ISM1: variants seen among roughly 807,000 people sequenced by gnomAD.
The protein encoded by ISM1 is isthmin 1, also known as isthmin-1.
ISM1 carries 25 observed loss-of-function variants against 46.3 expected under a neutral mutation model. That is an observed-to-expected ratio of 0.54 (90% confidence interval 0.39 to 0.75). The LOEUF (loss-of-function observed/expected upper bound fraction) is 0.75. Ranked by LOEUF, ISM1 falls within the 30% of genes least tolerant of loss-of-function variation. The probability of loss-of-function intolerance (pLI) is 0.00; values close to 1 mark genes in which losing one functional copy is unlikely to be tolerated. For synonymous variants in ISM1, 255 were observed against 256.7 expected, an observed-to-expected ratio of 0.99 and a Z score of 0.06; for missense variants, 536 against 625.4, an observed-to-expected ratio of 0.86 and a Z score of 1.52.
intron 1 of ISM1, chr20:13,244,304 C>G (rs1046581216): frequency 7.1e-6 from 1 of 141,628 alleles, no homozygotes; most frequent in African/African-American, 2.7e-5. Flanking sequence ...AGGGGACTCT[C>G]TCGACACTAA....
intron 3 of ISM1, among the ~76,000 whole-genome samples, chr20:13,286,587 G>A (rs1343859676): frequency 1.3e-5 from 2 of 152,150 alleles, no homozygotes; most frequent in African/African-American, 2.4e-5. Flanking sequence ...GGGGCCTCGG[G>A]GGGCAGATAA....
chr20:13,222,800 G>A (rs1441195116), intron 1 of ISM1, among the ~76,000 whole-genome samples: 3 of 152,202 alleles, frequency 2.0e-5, no homozygotes, highest in Non-Finnish European at 4.4e-5. Context: ...TGGGACAACT[G>A]TAAACTTGGA....
chr20:13,258,491 G>A (rs915468404), intron 1 of ISM1, among the ~76,000 whole-genome samples: 2 of 152,090 alleles, frequency 1.3e-5, no homozygotes, highest in African/African-American at 4.8e-5. Context: ...CTTGGAGGGT[G>A]CCATTCATTC....
At chr20:13,267,859 G>C (rs561626252) in intron 1 of ISM1, among the ~76,000 whole-genome samples, 3 of 152,270 alleles carry the variant, frequency 2.0e-5, no homozygotes, top group Admixed American at 6.5e-5. Context: ...TATGAAGTTA[G>C]GGCTTGATTT....
At chr20:13,233,097 AAT>A (rs2123141371) in intron 1 of ISM1, among the ~76,000 whole-genome samples, 1 of 152,078 alleles carries the variant, frequency 6.6e-6, no homozygotes, top group Non-Finnish European at 1.5e-5. Context: ...CCTGCTGTCC[AAT>A]ATTCCTTGAT....
At chr20:13,310,294 T>G in the ISM1 span, among the ~76,000 whole-genome samples, 3 of 152,186 alleles carry the variant, frequency 2.0e-5, no homozygotes, top group Non-Finnish European at 2.9e-5. Context: ...CAACTGATCT[T>G]TGACACATTT....
chr20:13,229,561 C>CA (rs2039565747), intron 1 of ISM1, among the ~76,000 whole-genome samples: 1 of 152,134 alleles, frequency 6.6e-6, no homozygotes, highest in African/African-American at 2.4e-5. Context: ...ATTTGTATAT[C>CA]CCCATCAATG....
intron 1 of ISM1, among the ~76,000 whole-genome samples, chr20:13,268,297 CCTTCT>C (rs1267389765): frequency 4.7e-5 from 7 of 148,314 alleles, no homozygotes; most frequent in African/African-American, 1.5e-4. Context: ...TTCTTCTCTT[CCTTCT>C]CTTCTCTTTT....
intron 1 of ISM1, among the ~76,000 whole-genome samples, chr20:13,252,601 A>G (rs2039879754): frequency 6.6e-6 from 1 of 152,016 alleles, no homozygotes; most frequent in Admixed American, 6.6e-5. Flanking sequence ...AAATACAAAA[A>G]TACATTAGCT....
At chr20:13,252,418 G>A (rs1434821318) in intron 1 of ISM1, among the ~76,000 whole-genome samples, 2 of 152,140 alleles carry the variant, frequency 1.3e-5, no homozygotes, top group African/African-American at 4.8e-5. Flanking sequence ...TTCATCGTGG[G>A]GAGGCTTTTG....
intron 2 of ISM1, 115 bp from the exon 3 acceptor site, chr20:13,279,519 T>G (rs1600544986): frequency 9.5e-7 from 1 of 1,056,700 alleles, no homozygotes; most frequent in East Asian, 2.6e-5. Flanking sequence ...TCAGCTTTCC[T>G]TCACAACGGA....
At position 13,285,117 on chromosome 20, in the gene ISM1, T is replaced by C. The variant is rs183277214; in HGVS notation, c.644-3423T>C. ...GCCTGGGCAACATAGTGAAACCTCA[T>C]CTCTATAAAATTTTTTTGAAAACTT... On this transcript the variant is annotated intron_variant, in intron 3 of 5. Coordinates refer to ENST00000262487, the MANE Select transcript of ISM1 (RefSeq NM_080826.2). 3.9e-5 allele frequency among the ~76,000 whole-genome samples: 6 copies of C among 152,132 alleles called. No homozygotes were observed. In the East Asian group the frequency reaches 1.2e-3, roughly 30 times the overall value.
intron 1 of ISM1, among the ~76,000 whole-genome samples, chr20:13,250,516 G>C (rs6109779): frequency 2.0e-3 from 305 of 152,122 alleles, no homozygotes; most frequent in African/African-American, 7.1e-3. Flanking sequence ...AAGCATGCCA[G>C]GCAGCTTCCA....
intron 5 of ISM1, among the ~76,000 whole-genome samples, chr20:13,298,046 C>G (rs1015687997): frequency 6.6e-6 from 1 of 151,786 alleles, no homozygotes; most frequent in African/African-American, 2.4e-5. Context: ...TCCTTTGGGG[C>G]CTTTTCCATC....
chr20:13,277,413 C>A (rs1568683110), intron 2 of ISM1, among the ~76,000 whole-genome samples: 1 of 97,982 alleles, frequency 1.0e-5, no homozygotes, highest in Non-Finnish European at 2.2e-5. Context: ...CAGCTCAGTT[C>A]CCTCAGATGG....
intron 1 of ISM1, among the ~76,000 whole-genome samples, 187 bp downstream of exon 1, chr20:13,222,101 A>G (rs1259010262): frequency 6.6e-6 from 1 of 152,042 alleles, no homozygotes; most frequent in Non-Finnish European, 1.5e-5. Flanking sequence ...ACGTGCCTGG[A>G]GGCTGCACCC....
chr20:13,221,476 G>T lies in ISM1; in HGVS notation c.-301G>T, dbSNP rs1468446382. On this transcript the variant is annotated 5_prime_UTR_variant, in exon 1 of 6. Coordinates refer to ENST00000262487, the MANE Select transcript of ISM1 (RefSeq NM_080826.2). ...GGACCCAGTCTCCGTCTCCGCCGCC[G>T]CCGCCGCCAGGCAGCGCCGGGGCTT... Among the ~76,000 whole-genome samples the T allele has an allele frequency of 7.0e-6, 1 of 143,620 alleles. No individual in the cohort carries two copies. Among genetic ancestry groups the T allele is most frequent in the Non-Finnish European group, 1.5e-5 (1 of 65,028 alleles). The allele number at this position is 143,620 out of a possible 152,430, so 94.2% of individuals were successfully genotyped here.
intron 1 of ISM1, chr20:13,237,863 A>C (rs1372597097): frequency 6.6e-6 from 1 of 152,182 alleles, no homozygotes; most frequent in Admixed American, 6.5e-5. Context: ...TCTCCAAATT[A>C]GAATGAATGC....
intron 1 of ISM1, among the ~76,000 whole-genome samples, chr20:13,269,095 G>A (rs2040081455): frequency 6.6e-6 from 1 of 152,138 alleles, no homozygotes; most frequent in Non-Finnish European, 1.5e-5. Context: ...CTGTGGTGGG[G>A]GGCAAAGAGG....
Sources: gnomAD v4.1 joint callset for allele counts (sites outside exome capture counted in the v4.1 genomes callset) on GRCh38, gnomAD v4.1.1 for gene constraint, MANE v1.5 for transcripts, NCBI Gene and HGNC (gene_info 2026-07-23, HGNC 2026-07-21) for gene names.